The following NRXN1 variants were observed in gnomAD, a reference collection of about 807,000 sequenced individuals.
NRXN1 encodes neurexin 1, also known as neurexin-1.
A neutral mutation model predicts 150.9 loss-of-function variants in NRXN1; 39 were observed. The observed-to-expected ratio is 0.26, with a 90% CI of 0.20 to 0.34. NRXN1 has a LOEUF of 0.34. NRXN1 is among the 10% of genes least tolerant of loss of function. The probability of loss-of-function intolerance (pLI) is 1.00; values close to 1 mark genes in which losing one functional copy is unlikely to be tolerated. For missense variants in NRXN1, 1,815 were observed against 1,949.9 expected (o/e 0.93, Z 1.30); for synonymous variants, 924 against 757.0 (o/e 1.22, Z -3.62).
chr2:51,003,632 T>G (rs1700336895), intron 2 of NRXN1, among the ~76,000 whole-genome samples: 1 of 151,966 alleles, frequency 6.6e-6, no homozygotes, highest in African/African-American at 2.4e-5. Context: ...ATAAACTAGA[T>G]GCACTACATG....
At chr2:50,840,244 T>G (rs1437590590) in intron 5 of NRXN1, among the ~76,000 whole-genome samples, 2 of 152,264 alleles carry the variant, frequency 1.3e-5, no homozygotes, top group East Asian at 3.9e-4. Flanking sequence ...TTTTTATTTG[T>G]CAAGCTGTTT....
intron 17 of NRXN1, among the ~76,000 whole-genome samples, chr2:50,280,205 G>C (rs2071231584): frequency 6.7e-6 from 1 of 148,502 alleles, no homozygotes. Context: ...GTGAACACGG[G>C]AGGCGGAGCT....
intron 8 of NRXN1, among the ~76,000 whole-genome samples, chr2:50,569,361 G>T (rs893590517): frequency 6.6e-6 from 1 of 152,104 alleles, no homozygotes; most frequent in Non-Finnish European, 1.5e-5. Flanking sequence ...ACCTTCATGT[G>T]ATCATTAGGC....
intron 1 of NRXN1, among the ~76,000 whole-genome samples, chr2:51,031,579 C>T (rs1195445701): frequency 1.3e-5 from 2 of 152,156 alleles, no homozygotes; most frequent in Non-Finnish European, 2.9e-5. Context: ...CCCGCCCAGT[C>T]TCTAAGCTCC....
intron 15 of NRXN1, among the ~76,000 whole-genome samples, chr2:50,494,513 T>C (rs2091449358): frequency 6.6e-6 from 1 of 152,100 alleles, no homozygotes. Context: ...TTCTTTGAAT[T>C]TCATTTTATT....
intron 15 of NRXN1, among the ~76,000 whole-genome samples, chr2:50,475,061 G>A (rs1479022207): frequency 1.3e-5 from 2 of 151,976 alleles, no homozygotes; most frequent in African/African-American, 4.8e-5. Flanking sequence ...ATGACAAATA[G>A]CAATGAAAGG....
At chr2:50,968,102 T>C (rs2104758850) in intron 2 of NRXN1, among the ~76,000 whole-genome samples, 1 of 152,038 alleles carries the variant, frequency 6.6e-6, no homozygotes, top group Non-Finnish European at 1.5e-5. Context: ...TTCTGATAGG[T>C]AGACTGGTGA....
intron 17 of NRXN1, among the ~76,000 whole-genome samples, chr2:50,299,422 TTTTAAAACTGACTTCTAAATTTA>T (rs2073949145): frequency 7.2e-6 from 1 of 138,738 alleles, no homozygotes; most frequent in African/African-American, 2.6e-5. Flanking sequence ...TTTTTTTTTT[TTTTAAAACTGACTTCTAAATTTA>T]TTTTTTAAAT....
At chr2:50,502,640 A>T (rs1190624676) in intron 13 of NRXN1, among the ~76,000 whole-genome samples, 3 of 152,186 alleles carry the variant, frequency 2.0e-5, no homozygotes, top group Admixed American at 2.0e-4. Flanking sequence ...CAGGATTCTC[A>T]TCTTGGATGA....
chr2:50,449,091 A>C (rs2086726548), intron 17 of NRXN1, among the ~76,000 whole-genome samples: 2 of 152,222 alleles, frequency 1.3e-5, no homozygotes, highest in African/African-American at 2.4e-5. Context: ...TGGTGAATTC[A>C]GACCTTTTAT....
chr2:50,024,046 GA>G (rs1297953585), intron 21 of NRXN1: 1 of 152,144 alleles, frequency 6.6e-6, no homozygotes, highest in Non-Finnish European at 1.5e-5. Context: ...AGTTCTTCCT[GA>G]AATCAAGTAG....
At chr2:50,614,100 G>GT (rs1678642489) in intron 8 of NRXN1, among the ~76,000 whole-genome samples, 1 of 152,166 alleles carries the variant, frequency 6.6e-6, no homozygotes, top group Non-Finnish European at 1.5e-5. Flanking sequence ...GAAGGTCAAT[G>GT]TAAGTAAATT....
chr2:50,730,471 CAATG>C (rs906688879), intron 5 of NRXN1, among the ~76,000 whole-genome samples: 4 of 152,200 alleles, frequency 2.6e-5, no homozygotes, highest in African/African-American at 9.6e-5. Flanking sequence ...TCTGTCCAGT[CAATG>C]AGAGGATCAG....
At chr2:50,698,625 T>C (rs1693272981) in intron 5 of NRXN1, among the ~76,000 whole-genome samples, 1 of 152,150 alleles carries the variant, frequency 6.6e-6, no homozygotes. Context: ...ACAACAAACA[T>C]AAACTTCTCA....
At chr2:50,345,211 T>G (rs1345254292) in intron 17 of NRXN1, among the ~76,000 whole-genome samples, 1 of 152,162 alleles carries the variant, frequency 6.6e-6, no homozygotes, top group African/African-American at 2.4e-5. Flanking sequence ...AAGGAACAAA[T>G]TCCTAGAACC....
chr2:50,828,901 G>C (rs914990608), intron 5 of NRXN1, among the ~76,000 whole-genome samples: 1 of 152,178 alleles, frequency 6.6e-6, no homozygotes, highest in Non-Finnish European at 1.5e-5. Context: ...AGGTTGTAGC[G>C]AGCCAAGATC....
At chr2:51,016,508 C>G (rs2105238775) in intron 2 of NRXN1, among the ~76,000 whole-genome samples, 1 of 152,276 alleles carries the variant, frequency 6.6e-6, no homozygotes, top group East Asian at 1.9e-4. Flanking sequence ...AAAAATAGCT[C>G]ATCATCACTG....
chr2:50,227,638 A>G (rs1162407790), intron 18 of NRXN1, among the ~76,000 whole-genome samples: 5 of 152,092 alleles, frequency 3.3e-5, no homozygotes, highest in Admixed American at 3.3e-4. Context: ...CCACAATTTT[A>G]TTTTATAACA....
intron 5 of NRXN1, among the ~76,000 whole-genome samples, chr2:50,700,701 T>G (rs987252391): frequency 1.3e-4 from 9 of 70,452 alleles, no homozygotes; most frequent in Admixed American, 1.7e-4. Context: ...AAATAAAGAT[T>G]GACCATATTT....
Sources: gnomAD v4.1 joint callset for allele counts (sites outside exome capture counted in the v4.1 genomes callset) on GRCh38, gnomAD v4.1.1 for gene constraint, MANE v1.5 for transcripts, NCBI Gene and HGNC (gene_info 2026-07-23, HGNC 2026-07-21) for gene names.